Variants in MRTFB observed in about 807,000 individuals in gnomAD.
MRTFB encodes myocardin-related transcription factor B.
In MRTFB, 29 loss-of-function variants were observed where a neutral mutation model predicts 104.2. The ratio of observed to expected loss-of-function variants is 0.28; its 90% confidence interval spans 0.21 to 0.38. The LOEUF (loss-of-function observed/expected upper bound fraction) is 0.38, where lower values mean the gene tolerates loss of function less well. Among genes scored for constraint, MRTFB ranks in the 10% least tolerant of loss-of-function variants. The pLI, the probability that MRTFB is intolerant of heterozygous loss-of-function variation, is 1.00. For missense variants in MRTFB, 1,270 were observed against 1,341.6 expected, an observed-to-expected ratio of 0.95 and a Z score of 0.83; for synonymous variants, 535 against 519.5, an observed-to-expected ratio of 1.03 and a Z score of -0.41.
the MRTFB span, among the ~76,000 whole-genome samples, chr16:14,050,725 A>G: frequency 3.0e-4 from 46 of 152,198 alleles, no homozygotes; most frequent in Non-Finnish European, 6.0e-4. Context: ...TCTTCAGTCC[A>G]ATAAAATAAC....
At chr16:14,117,871 C>T (rs1218602640) in intron 2 of MRTFB, among the ~76,000 whole-genome samples, 1 of 152,134 alleles carries the variant, frequency 6.6e-6, no homozygotes, top group African/African-American at 2.4e-5. Context: ...TATAGACAAC[C>T]ATTTTGGTAA....
chr16:14,058,760 C>G, the MRTFB span, among the ~76,000 whole-genome samples: 4 of 143,902 alleles, frequency 2.8e-5, no homozygotes, highest in South Asian at 8.8e-4. Flanking sequence ...GCTCTGTCGC[C>G]CAGGCTGGAG....
intron 3 of MRTFB, among the ~76,000 whole-genome samples, chr16:14,201,375 T>C (rs2040696686): frequency 6.6e-6 from 1 of 152,210 alleles, no homozygotes; most frequent in African/African-American, 2.4e-5. Context: ...TGTTTACATA[T>C]TATTTCTGTA....
chr16:14,014,436 G>C, the MRTFB span, among the ~76,000 whole-genome samples: 391 of 151,988 alleles, frequency 2.6e-3, no homozygotes, highest in Non-Finnish European at 4.3e-3. Flanking sequence ...CACGCCTACA[G>C]TCCCAGCTAT....
chr16:14,052,513 C>T, the MRTFB span, among the ~76,000 whole-genome samples: 2,014 of 152,020 alleles, frequency 0.013, 24 homozygotes, highest in Non-Finnish European at 0.02. Flanking sequence ...CCGAGGCAAG[C>T]GGATCACTTG....
At chr16:14,201,058 T>C in intron 3 of MRTFB, 1 of 1,482,698 alleles carries the variant, frequency 6.7e-7, no homozygotes, top group Non-Finnish European at 9.1e-7. Flanking sequence ...GCTTAGTCCA[T>C]GTTGCAACGA....
At chr16:14,251,632 G>A (rs940809839) in intron 13 of MRTFB, among the ~76,000 whole-genome samples, 2 of 152,178 alleles carry the variant, frequency 1.3e-5, no homozygotes, top group African/African-American at 4.8e-5. Flanking sequence ...AAGTTTTATT[G>A]GCACACAGCC....
At chr16:14,148,364 A>T (rs548613997) in intron 3 of MRTFB, among the ~76,000 whole-genome samples, 4 of 152,290 alleles carry the variant, frequency 2.6e-5, no homozygotes, top group African/African-American at 9.6e-5. Flanking sequence ...AGTTTTGGAC[A>T]CCTGTTCTCT....
intron 2 of MRTFB, among the ~76,000 whole-genome samples, chr16:14,099,274 C>G (rs2035564131): frequency 6.6e-6 from 1 of 151,582 alleles, no homozygotes; most frequent in South Asian, 2.1e-4. Context: ...AAGTAGAGAT[C>G]TTACACATCT....
intron 2 of MRTFB, among the ~76,000 whole-genome samples, chr16:14,117,420 T>A (rs1455284299): frequency 6.6e-6 from 1 of 152,252 alleles, no homozygotes; most frequent in Non-Finnish European, 1.5e-5. Flanking sequence ...TAATACATGG[T>A]CCCATAGCAT....
At chr16:14,036,848 C>G in the MRTFB span, among the ~76,000 whole-genome samples, 3 of 152,120 alleles carry the variant, frequency 2.0e-5, no homozygotes, top group Non-Finnish European at 4.4e-5. Context: ...AGGGCCAGCC[C>G]CCACTGAACC....
At chr16:14,257,409 A>G (rs1189001622) in intron 15 of MRTFB, among the ~76,000 whole-genome samples, 1 of 152,198 alleles carries the variant, frequency 6.6e-6, no homozygotes, top group Non-Finnish European at 1.5e-5. Flanking sequence ...CTCAGCAATA[A>G]AAAAATTAAC....
chr16:14,247,605 T>G (rs1397936146), intron 12 of MRTFB, 98 bp downstream of exon 12: 1 of 1,113,588 alleles, frequency 9.0e-7, no homozygotes, highest in Non-Finnish European at 1.2e-6. Flanking sequence ...CATAAATGCG[T>G]CCAGAGCAGA....
At chr16:14,027,964 C>G in the MRTFB span, among the ~76,000 whole-genome samples, 3 of 152,088 alleles carry the variant, frequency 2.0e-5, no homozygotes, top group African/African-American at 7.2e-5. Context: ...ATGGCTTGAG[C>G]TTAGGAATTC....
intron 3 of MRTFB, among the ~76,000 whole-genome samples, chr16:14,203,722 T>C (rs1424254922): frequency 6.8e-6 from 1 of 146,904 alleles, no homozygotes; most frequent in Non-Finnish European, 1.5e-5. Flanking sequence ...AAGAATCACT[T>C]GAACCCAGGA....
chr16:14,228,892 A>C (rs2042132653), intron 8 of MRTFB, among the ~76,000 whole-genome samples: 1 of 152,118 alleles, frequency 6.6e-6, no homozygotes. Context: ...CAGAAAAGAA[A>C]ATGATGATTG....
chr16:14,210,130 A>C, intron 3 of MRTFB, 113 bp from the exon 4 acceptor site: 1 of 702,936 alleles, frequency 1.4e-6, no homozygotes, highest in Non-Finnish European at 2.3e-6. Flanking sequence ...CCTTCTTTTT[A>C]ATTGTGAAAT....
chr16:14,248,707 A>G (rs537871979), intron 12 of MRTFB: 2 of 434,508 alleles, frequency 4.6e-6, no homozygotes, highest in South Asian at 7.8e-5. Context: ...TTAGCTACTT[A>G]GGAATAATAA....
At chr16:14,015,474 G>T in the MRTFB span, among the ~76,000 whole-genome samples, 4 of 152,102 alleles carry the variant, frequency 2.6e-5, no homozygotes, top group African/African-American at 9.7e-5. Flanking sequence ...AGGGGACCTG[G>T]GACTCCATGA....
Sources: allele counts gnomAD v4.1 joint callset (sites outside exome capture counted in the v4.1 genomes callset), GRCh38; gene constraint gnomAD v4.1.1; transcripts MANE v1.5; gene names NCBI Gene and HGNC (gene_info 2026-07-23, HGNC 2026-07-21).